FBN2: variants seen among roughly 807,000 people sequenced by gnomAD.
FBN2 encodes the protein fibrillin-2.
In FBN2, 105 loss-of-function variants were observed where a neutral mutation model predicts 355.6. The ratio of observed to expected loss-of-function variants is 0.30; its 90% confidence interval spans 0.25 to 0.35. FBN2 has a LOEUF of 0.35. Among genes scored for constraint, FBN2 ranks in the 10% least tolerant of loss-of-function variants. The pLI is 1.00. For missense variants in FBN2, 3,280 were observed against 3,758.7 expected (o/e 0.87, Z 3.33); for synonymous variants, 1,350 against 1,301.2 (o/e 1.04, Z -0.81).
intron 24 of FBN2, among the ~76,000 whole-genome samples, 163 bp downstream of exon 24, chr5:128,345,194 T>C (rs930638893): frequency 1.3e-5 from 2 of 152,210 alleles, no homozygotes; most frequent in African/African-American, 2.4e-5. Context: ...TGCCATCTTA[T>C]AGGGGATTTA....
chr5:128,274,714 C>T (rs370012811), intron 59 of FBN2, 31 bp from the exon 60 acceptor site: 7 of 1,254,348 alleles, frequency 5.6e-6, no homozygotes, highest in Non-Finnish European at 8.2e-6. Context: ...GTGAAAATCA[C>T]AGTAGACTAT....
At chr5:128,381,410 AC>A (rs1346028150) in intron 11 of FBN2, among the ~76,000 whole-genome samples, 1 of 152,094 alleles carries the variant, frequency 6.6e-6, no homozygotes, top group East Asian at 1.9e-4. Flanking sequence ...AAGTTCCCAA[AC>A]AGCAATGGCA....
chr5:128,516,649 C>T (rs1398423798), intron 5 of FBN2, among the ~76,000 whole-genome samples: 7 of 152,060 alleles, frequency 4.6e-5, no homozygotes, highest in Non-Finnish European at 8.8e-5. Context: ...GAACAAATAT[C>T]TCTGATTTTA....
chr5:128,434,394 G>GTGTATATATATATATATATATA (rs377404948), intron 7 of FBN2, among the ~76,000 whole-genome samples: 2 of 91,678 alleles, frequency 2.2e-5, no homozygotes, highest in African/African-American at 1.2e-4. Context: ...AATAAAGTGT[G>GTGTATATATATATATATATATA]TATATATATA....
At chr5:128,503,493 G>T (rs547556440) in intron 5 of FBN2, among the ~76,000 whole-genome samples, 1 of 152,258 alleles carries the variant, frequency 6.6e-6, no homozygotes, top group Admixed American at 6.5e-5. Flanking sequence ...TTGTTGAATG[G>T]ATTTGATCAA....
At position 128,291,783 on chromosome 5, in the gene FBN2, A is replaced by T. The variant is rs1581192451; in HGVS notation, c.6167-129T>A. ...ATTACGTTGTATGTTTAACTTATTC[A>T]TAAAAATAAACTATTATTGCTTCAG... On this transcript the variant is annotated intron_variant, in intron 48 of 64. Coordinates refer to ENST00000262464, the MANE Select transcript of FBN2 (RefSeq NM_001999.4). 3 of 959,674 alleles carry T rather than the reference A, an allele frequency of 3.1e-6. No homozygotes were observed. In the East Asian group the frequency reaches 7.5e-5, roughly 24 times the overall value. 59.4% of individuals were successfully genotyped at this position (959,674 alleles called of 1,614,324 possible).
intron 4 of FBN2, among the ~76,000 whole-genome samples, chr5:128,522,745 T>A (rs1178694404): frequency 6.6e-6 from 1 of 152,054 alleles, no homozygotes; most frequent in Non-Finnish European, 1.5e-5. Context: ...AAAGAACATA[T>A]TTTTTTGTAA....
At chr5:128,265,593 T>A (rs1239250368) in intron 62 of FBN2, among the ~76,000 whole-genome samples, 1 of 152,212 alleles carries the variant, frequency 6.6e-6, no homozygotes, top group Non-Finnish European at 1.5e-5. Flanking sequence ...TCTTCATATA[T>A]GAAGACATAA....
intron 55 of FBN2, among the ~76,000 whole-genome samples, chr5:128,284,213 A>C (rs1749069635): frequency 6.6e-6 from 1 of 152,172 alleles, no homozygotes; most frequent in Admixed American, 6.5e-5. Flanking sequence ...TGAATTTTTT[A>C]ATTTAACCCT....
intron 62 of FBN2, among the ~76,000 whole-genome samples, chr5:128,265,775 T>G (rs1765100630): frequency 6.6e-6 from 1 of 152,254 alleles, no homozygotes; most frequent in African/African-American, 2.4e-5. Context: ...CCTAAAGTGT[T>G]AGTTTGAACT....
At chr5:128,372,704 C>T (rs944016432) in intron 15 of FBN2, among the ~76,000 whole-genome samples, 4 of 152,144 alleles carry the variant, frequency 2.6e-5, no homozygotes, top group Admixed American at 6.5e-5. Context: ...GGAGCCCAGA[C>T]TGGTTTTGAA....
Position 128,305,091 on chromosome 5 carries a change from G to A in FBN2, c.5675-9C>T, listed in dbSNP as rs27713. On this transcript the variant is annotated splice_polypyrimidine_tract_variant and intron_variant, in intron 44 of 64. Coordinates refer to ENST00000262464, the MANE Select transcript of FBN2 (RefSeq NM_001999.4). ...TAAACATTCATTGCGATCTAAAACA[G>A]AAAAAAATAAATGTTACATGTATCT... 1,096,931 of 1,572,472 alleles carry A rather than the reference G, an allele frequency of 0.7. 381,980 individuals are homozygous for A. The highest frequency in any genetic ancestry group is 0.86 in the East Asian group (38,051 of 44,374).
intron 40 of FBN2, among the ~76,000 whole-genome samples, chr5:128,309,628 A>G (rs1749977384): frequency 6.6e-6 from 1 of 152,214 alleles, no homozygotes; most frequent in African/African-American, 2.4e-5. Context: ...AGACAATGTT[A>G]ATACATATTT....
At chr5:128,265,561 T>G (rs1765094606) in intron 62 of FBN2, among the ~76,000 whole-genome samples, 1 of 152,218 alleles carries the variant, frequency 6.6e-6, no homozygotes, top group Non-Finnish European at 1.5e-5. Context: ...CAGAAGCAAC[T>G]GGAAGTTACT....
intron 36 of FBN2, among the ~76,000 whole-genome samples, chr5:128,313,825 C>G (rs1054275264): frequency 7.1e-6 from 1 of 141,572 alleles, no homozygotes; most frequent in Admixed American, 7.4e-5. Context: ...TGCACTCCAG[C>G]CTGGGCAACA....
chr5:128,418,993 G>GC (rs1753276376), intron 7 of FBN2, among the ~76,000 whole-genome samples: 1 of 152,072 alleles, frequency 6.6e-6, no homozygotes, highest in Non-Finnish European at 1.5e-5. Context: ...GTGTATATTT[G>GC]TTTATTTAGA....
chr5:128,325,055 C>T (rs1032445156), intron 34 of FBN2, among the ~76,000 whole-genome samples: 5 of 152,088 alleles, frequency 3.3e-5, no homozygotes, highest in African/African-American at 7.2e-5. Context: ...AGAATAAGTG[C>T]TATGTGGTGC....
chr5:128,271,629 G>A (rs200292667), intron 62 of FBN2, among the ~76,000 whole-genome samples: 3 of 152,064 alleles, frequency 2.0e-5, no homozygotes, highest in South Asian at 2.1e-4. Flanking sequence ...CTTTAGATTC[G>A]TATGAGGGGA....
At chr5:128,417,881 GA>G (rs1314857958) in intron 7 of FBN2, among the ~76,000 whole-genome samples, 1 of 152,016 alleles carries the variant, frequency 6.6e-6, no homozygotes. Flanking sequence ...CAATTTTTGG[GA>G]ATAGTTTGAG....
Sources: gnomAD v4.1 joint callset for allele counts (sites outside exome capture counted in the v4.1 genomes callset) on GRCh38, gnomAD v4.1.1 for gene constraint, MANE v1.5 for transcripts, NCBI Gene and HGNC (gene_info 2026-07-23, HGNC 2026-07-21) for gene names.